Variants in ZNF469 observed in about 807,000 individuals in gnomAD.
The protein encoded by ZNF469 is zinc finger protein 469.
In ZNF469, 1 loss-of-function variant was observed where a neutral mutation model predicts 1.0. The observed-to-expected ratio is 1.00, with a 90% CI of 0.35 to 4.73. ZNF469 has a LOEUF of 4.73. Among genes scored for constraint, ZNF469 ranks in the 30% most tolerant of loss-of-function variants. The pLI, the probability that ZNF469 is intolerant of heterozygous loss-of-function variation, is 0.16. For missense variants in ZNF469, 6,100 were observed against 5,356.3 expected (o/e 1.14, Z -4.33); for synonymous variants, 2,703 against 2,363.4 (o/e 1.14, Z -4.17).
At chr16:88,332,810 C>T in the ZNF469 span, among the ~76,000 whole-genome samples, 2 of 152,360 alleles carry the variant, frequency 1.3e-5, no homozygotes, top group Admixed American at 1.3e-4. Context: ...AGACTCCACA[C>T]AAGCAGCCTC....
At chr16:88,377,489 C>G in the ZNF469 span, among the ~76,000 whole-genome samples, 1 of 152,232 alleles carries the variant, frequency 6.6e-6, no homozygotes, top group African/African-American at 2.4e-5. Flanking sequence ...CAGCTTTTTG[C>G]TCTCGACTGG....
intron 1 of ZNF469, among the ~76,000 whole-genome samples, chr16:88,415,677 A>C (rs1221403337): frequency 6.6e-6 from 1 of 152,170 alleles, no homozygotes; most frequent in African/African-American, 2.4e-5. Flanking sequence ...GAGCGCCCGG[A>C]AGTGACCAGA....
chr16:88,172,588 C>A, the ZNF469 span, among the ~76,000 whole-genome samples: 1 of 152,040 alleles, frequency 6.6e-6, no homozygotes, highest in Admixed American at 6.6e-5. Context: ...GGCATTTGGT[C>A]AAAAATAAGA....
the ZNF469 span, among the ~76,000 whole-genome samples, chr16:88,281,139 GCCACAC>G: frequency 2.7e-5 from 4 of 147,114 alleles, no homozygotes; most frequent in Admixed American, 6.9e-5. Flanking sequence ...TTAATGCTGT[GCCACAC>G]TGATGCTTGG....
the ZNF469 span, among the ~76,000 whole-genome samples, chr16:88,165,850 C>T: frequency 1.1e-4 from 17 of 152,178 alleles, no homozygotes; most frequent in Non-Finnish European, 2.1e-4. Flanking sequence ...AGGAACCTCG[C>T]GTAAGTGGGA....
the ZNF469 span, among the ~76,000 whole-genome samples, chr16:88,269,151 G>C: frequency 1.3e-5 from 2 of 152,346 alleles, no homozygotes; most frequent in Admixed American, 1.3e-4. Flanking sequence ...AGGCACGGCA[G>C]GCGGGAGCTG....
Position 88,432,533 on chromosome 16 carries a change from G to A in ZNF469, c.5063G>A (p.Arg1688Lys). 1.3e-6 allele frequency: 2 copies of A among 1,550,362 alleles called. No homozygotes were observed. Among genetic ancestry groups the A allele is most frequent in the Non-Finnish European group, 1.7e-6 (2 of 1,146,976 alleles). ...GTTTCTGGGGCTCCTTTCAGCCCCA[G>A]GGGAGCCAACTTCCATTTTCAGCCA... ...DLVSGAPFSP[R>K]GANFHFQPVQ... The change falls in exon 3 of 3, where the codon AGG (arginine) becomes AAG (lysine). Residue 1688 changes from arginine to lysine, a missense_variant. Transcript: ENST00000565624.
the ZNF469 span, among the ~76,000 whole-genome samples, chr16:88,122,772 G>A: frequency 6.7e-6 from 1 of 149,710 alleles, no homozygotes; most frequent in African/African-American, 2.5e-5. Context: ...TATATTCTTA[G>A]CTCTGTGTGT....
At chr16:88,124,918 C>T in the ZNF469 span, among the ~76,000 whole-genome samples, 6 of 152,236 alleles carry the variant, frequency 3.9e-5, no homozygotes, top group African/African-American at 1.4e-4. Flanking sequence ...ATTTATCAGT[C>T]TTTTTAAAAT....
intron 1 of ZNF469, among the ~76,000 whole-genome samples, chr16:88,394,240 A>C (rs138567980): frequency 0.14 from 16,578 of 119,748 alleles, 3,025 homozygotes; most frequent in Non-Finnish European, 0.18. Context: ...GTCCAAGAGG[A>C]GCAGGGTTTG....
chr16:88,194,097 G>C, the ZNF469 span, among the ~76,000 whole-genome samples: 2 of 152,172 alleles, frequency 1.3e-5, no homozygotes, highest in South Asian at 2.1e-4. Context: ...TCCCGCCCCT[G>C]GTTACTTGGT....
the ZNF469 span, among the ~76,000 whole-genome samples, chr16:88,266,425 A>G: frequency 3.9e-5 from 6 of 152,382 alleles, no homozygotes; most frequent in East Asian, 9.6e-4. Context: ...CGAAGGAACC[A>G]GGAGCAGGGA....
At chr16:88,350,886 G>A in the ZNF469 span, among the ~76,000 whole-genome samples, 2 of 152,346 alleles carry the variant, frequency 1.3e-5, no homozygotes, top group East Asian at 3.9e-4. Flanking sequence ...GGAGCTTCCG[G>A]AAGGACCCAG....
At chr16:88,317,545 T>G in the ZNF469 span, among the ~76,000 whole-genome samples, 1 of 152,134 alleles carries the variant, frequency 6.6e-6, no homozygotes, top group East Asian at 1.9e-4. Flanking sequence ...CCTGGCATTC[T>G]CCCGACCTGG....
chr16:88,345,266 G>A, the ZNF469 span, among the ~76,000 whole-genome samples: 3 of 152,214 alleles, frequency 2.0e-5, no homozygotes, highest in East Asian at 3.9e-4. Context: ...TCGTGTGACC[G>A]TGGGACAGCT....
the ZNF469 span, among the ~76,000 whole-genome samples, chr16:88,363,504 C>T: frequency 6.6e-6 from 1 of 152,240 alleles, no homozygotes; most frequent in African/African-American, 2.4e-5. Context: ...CTACCCCATG[C>T]ATGTGTGGCT....
chr16:88,322,660 C>T, the ZNF469 span, among the ~76,000 whole-genome samples: 1 of 152,232 alleles, frequency 6.6e-6, no homozygotes, highest in Non-Finnish European at 1.5e-5. Context: ...GCGACCCCTC[C>T]ATCCCACGGA....
chr16:88,149,394 C>T, the ZNF469 span, among the ~76,000 whole-genome samples: 1 of 152,164 alleles, frequency 6.6e-6, no homozygotes, highest in Non-Finnish European at 1.5e-5. Context: ...CCTTATCTGT[C>T]AGGCCGGTGT....
the ZNF469 span, among the ~76,000 whole-genome samples, chr16:88,243,790 A>G: frequency 4.0e-5 from 6 of 148,794 alleles, no homozygotes; most frequent in Non-Finnish European, 7.5e-5. Context: ...TGGATGGATA[A>G]AGGAATTGGG....
Sources: gnomAD v4.1 joint callset for allele counts (sites outside exome capture counted in the v4.1 genomes callset) on GRCh38, gnomAD v4.1.1 for gene constraint, MANE v1.5 for transcripts, NCBI Gene and HGNC (gene_info 2026-07-23, HGNC 2026-07-21) for gene names.